DPYSL5: variants seen among roughly 807,000 people sequenced by gnomAD.
The protein encoded by DPYSL5 is dihydropyrimidinase-related protein 5.
In DPYSL5, 9 loss-of-function variants were observed where a neutral mutation model predicts 58.4. The ratio of observed to expected loss-of-function variants is 0.15; its 90% confidence interval spans 0.09 to 0.27. DPYSL5 has a LOEUF of 0.27. DPYSL5 is among the 10% of genes least tolerant of loss of function. The pLI is 1.00. For synonymous variants in DPYSL5, 293 were observed against 301.9 expected, an observed-to-expected ratio of 0.97 and a Z score of 0.31; for missense variants, 499 against 770.6, an observed-to-expected ratio of 0.65 and a Z score of 4.17.
intron 6 of DPYSL5, among the ~76,000 whole-genome samples, chr2:26,932,196 AAAGAAAGAAAGAAAAG>A (rs771102407): frequency 0.039 from 3,278 of 84,732 alleles, 81 homozygotes; most frequent in Non-Finnish European, 0.045. Context: ...AGAAAGAAAG[AAAGAAAGAAAGAAAAG>A]AAAGAAAGAA....
At chr2:26,889,484 A>G (rs770169727) in intron 1 of DPYSL5, among the ~76,000 whole-genome samples, 11 of 151,652 alleles carry the variant, frequency 7.3e-5, no homozygotes, top group African/African-American at 1.2e-4. Flanking sequence ...GTTAGCCAGG[A>G]TGGTCTCAAT....
At chr2:26,879,043 A>G (rs766590638) in intron 1 of DPYSL5, among the ~76,000 whole-genome samples, 1 of 152,152 alleles carries the variant, frequency 6.6e-6, no homozygotes, top group Non-Finnish European at 1.5e-5. Context: ...TCCACTACCA[A>G]CTTGTGAGCT....
At chr2:26,880,193 A>T (rs1663522049) in intron 1 of DPYSL5, among the ~76,000 whole-genome samples, 2 of 152,102 alleles carry the variant, frequency 1.3e-5, no homozygotes, top group African/African-American at 4.8e-5. Flanking sequence ...TGCCAGGCCC[A>T]TGCTGCCACT....
intron 8 of DPYSL5, chr2:26,939,038 TG>T (rs1665252726): frequency 6.6e-6 from 1 of 152,430 alleles, no homozygotes; most frequent in African/African-American, 2.4e-5. Context: ...TCTGCTGCCA[TG>T]AGCCCTCTCT....
intron 1 of DPYSL5, among the ~76,000 whole-genome samples, chr2:26,888,782 C>T (rs502751): frequency 0.43 from 64,660 of 151,668 alleles, 14,102 homozygotes; most frequent in Admixed American, 0.54. Context: ...TTGTTACTTA[C>T]ATTGCTCATT....
At chr2:26,866,041 T>C (rs1666131785) in intron 1 of DPYSL5, among the ~76,000 whole-genome samples, 1 of 152,156 alleles carries the variant, frequency 6.6e-6, no homozygotes, top group Admixed American at 6.5e-5. Flanking sequence ...GTTGGCCAGA[T>C]GAAGGATAAA....
At chr2:26,878,015 C>A (rs1256342465) in intron 1 of DPYSL5, among the ~76,000 whole-genome samples, 1 of 152,194 alleles carries the variant, frequency 6.6e-6, no homozygotes, top group Admixed American at 6.5e-5. Context: ...CATCTTTGTA[C>A]AACTGTTCAA....
Position 26,927,061 on chromosome 2 carries a change from G to A in DPYSL5, c.421-192G>A, listed in dbSNP as rs1042078413. Among the ~76,000 whole-genome samples, 6 of 152,312 alleles carry A rather than the reference G, an allele frequency of 3.9e-5. No homozygotes were observed. The highest frequency in any genetic ancestry group is 6.5e-5 in the Admixed American group (1 of 15,290). On this transcript the variant is annotated intron_variant, in intron 3 of 12. Transcript: ENST00000288699. The surrounding 1 kb of genome is among the most constrained non-coding windows in gnomAD (Gnocchi z 4.3). The stretch of plus-strand genomic sequence containing the variant: ...TGTTGACAATTTTCACAGTACTTCC[G>A]CATCCATCTACTCAGGTGGCCTCAC...
intron 1 of DPYSL5, among the ~76,000 whole-genome samples, chr2:26,851,064 T>G (rs1048062691): frequency 1.3e-5 from 2 of 152,088 alleles, no homozygotes; most frequent in African/African-American, 4.8e-5. Context: ...GGATTCAGAG[T>G]ACATAAATAC....
intron 1 of DPYSL5, among the ~76,000 whole-genome samples, chr2:26,888,558 G>A (rs139588219): frequency 1.2e-3 from 190 of 152,090 alleles, no homozygotes; most frequent in African/African-American, 4.2e-3. Flanking sequence ...AGGTGTGAGC[G>A]AGCCACCGTG....
At chr2:26,901,012 G>A (rs777723407) in intron 2 of DPYSL5, among the ~76,000 whole-genome samples, 9 of 152,104 alleles carry the variant, frequency 5.9e-5, no homozygotes, top group Admixed American at 2.0e-4. Context: ...CTCTGCACAC[G>A]TGTCTTTATG....
chr2:26,939,958 C>T, intron 8 of DPYSL5, 73 bp from the exon 9 acceptor site: 1 of 1,588,840 alleles, frequency 6.3e-7, no homozygotes, highest in Non-Finnish European at 8.6e-7. Flanking sequence ...GAGGATTTTC[C>T]CTATATCTAT....
chr2:26,915,518 G>A (rs903330403), intron 2 of DPYSL5, among the ~76,000 whole-genome samples: 7 of 152,024 alleles, frequency 4.6e-5, no homozygotes, highest in Non-Finnish European at 7.4e-5. Context: ...CCCCTTTGTC[G>A]GCCATCCCTG....
At chr2:26,928,552 G>T (rs1664882733) in intron 5 of DPYSL5, among the ~76,000 whole-genome samples, 1 of 150,696 alleles carries the variant, frequency 6.6e-6, no homozygotes, top group Non-Finnish European at 1.5e-5. Flanking sequence ...AAAAAAATTA[G>T]CTGGGCATAG....
rs34929540 is a variant in DPYSL5, at chr2:26,910,616, C to CTTTTTTT, written c.261+11869_261+11875dup. 1.5e-4 allele frequency among the ~76,000 whole-genome samples: 18 copies of CTTTTTTT among 118,480 alleles called. 1 individual carries two copies. Among genetic ancestry groups the CTTTTTTT allele is most frequent in the African/African-American group, 2.9e-4 (9 of 31,434 alleles). 77.7% of individuals were successfully genotyped at this position (118,480 alleles called of 152,430 possible). On this transcript the variant is annotated intron_variant, in intron 2 of 12. Transcript: ENST00000288699. ...TTTTCTTTTTTTCTTTCTTCTTCTT[C>CTTTTTTT]TTTTTTTTTTTTTTTTTTTAGTAGA...
rs1665118054 is a variant in DPYSL5, at chr2:26,934,344, T to C, written c.791-234T>C. Among the ~76,000 whole-genome samples the C allele has an allele frequency of 6.6e-6, 1 of 152,182 alleles. No homozygotes were observed. Among genetic ancestry groups the C allele is most frequent in the South Asian group, 2.1e-4 (1 of 4,828 alleles). On this transcript the variant is annotated intron_variant, in intron 7 of 12. Coordinates refer to ENST00000288699, the MANE Select transcript of DPYSL5 (RefSeq NM_020134.4). This position sits in a 1 kb window ranked among gnomAD's most constrained non-coding sequence, Gnocchi z 4.3. Reference sequence around the variant, plus strand: ...CAAACCAGACTCCTCAAAGTGCCGCTTGGTCCTGCTGGGCCTCGGTGCCCA... The same window carrying C: ...CAAACCAGACTCCTCAAAGTGCCGCCTGGTCCTGCTGGGCCTCGGTGCCCA...
chr2:26,907,865 A>T (rs751036614), intron 2 of DPYSL5, among the ~76,000 whole-genome samples: 2 of 152,224 alleles, frequency 1.3e-5, no homozygotes, highest in Non-Finnish European at 2.9e-5. Flanking sequence ...AGCAGAGACC[A>T]CGATTTAACT....
chr2:26,863,612 C>G (rs1666071685), intron 1 of DPYSL5, among the ~76,000 whole-genome samples: 1 of 152,182 alleles, frequency 6.6e-6, no homozygotes, highest in Non-Finnish European at 1.5e-5. Context: ...GCAATGGTTT[C>G]TAGTGTGTTC....
intron 2 of DPYSL5, among the ~76,000 whole-genome samples, chr2:26,919,857 T>C (rs150765496): frequency 1.3e-3 from 205 of 152,304 alleles, no homozygotes; most frequent in Non-Finnish European, 2.4e-3. Context: ...GTTGTAAATG[T>C]CCATGAACTT....
Sources: gnomAD v4.1 joint callset for allele counts (sites outside exome capture counted in the v4.1 genomes callset) on GRCh38, gnomAD v4.1.1 for gene constraint, Gnocchi (gnomAD v3.1) non-coding constraint, MANE v1.5 for transcripts, NCBI Gene and HGNC (gene_info 2026-07-23, HGNC 2026-07-21) for gene names.